Variants in SEMA6D observed in about 807,000 individuals in gnomAD.
The protein encoded by SEMA6D is semaphorin 6D, also known as semaphorin-6D.
SEMA6D carries 35 observed loss-of-function variants against 106.6 expected under a neutral mutation model. That is an observed-to-expected ratio of 0.33 (90% CI 0.25 to 0.44). SEMA6D has a LOEUF of 0.44. SEMA6D is among the 20% of genes least tolerant of loss of function. The pLI is 1.00. For missense variants in SEMA6D, 1,185 were observed against 1,345.9 expected (o/e 0.88, Z 1.87); for synonymous variants, 499 against 487.7 (o/e 1.02, Z -0.31).
At chr15:47,620,715 C>G (rs78149360) in intron 4 of SEMA6D, among the ~76,000 whole-genome samples, 2 of 148,774 alleles carry the variant, frequency 1.3e-5, no homozygotes, top group East Asian at 3.9e-4. Context: ...TATATACACA[C>G]ATATATATAT....
intron 4 of SEMA6D, among the ~76,000 whole-genome samples, chr15:47,676,206 C>T (rs2078242571): frequency 6.6e-6 from 1 of 152,186 alleles, no homozygotes; most frequent in South Asian, 2.1e-4. Flanking sequence ...GTAACCACTT[C>T]CCCCCTTTAA....
chr15:47,586,091 A>G (rs2076334440), intron 3 of SEMA6D, among the ~76,000 whole-genome samples: 1 of 152,244 alleles, frequency 6.6e-6, no homozygotes, highest in African/African-American at 2.4e-5. Flanking sequence ...AAAATGAGCA[A>G]GTCTTTCTAC....
intron 3 of SEMA6D, among the ~76,000 whole-genome samples, chr15:47,510,642 G>A (rs1045948040): frequency 2.6e-5 from 4 of 152,146 alleles, no homozygotes; most frequent in Admixed American, 1.3e-4. Flanking sequence ...AACATAAGAC[G>A]GCCAGAATGC....
intron 3 of SEMA6D, among the ~76,000 whole-genome samples, chr15:47,479,098 C>T (rs956096480): frequency 2.0e-5 from 3 of 152,166 alleles, no homozygotes; most frequent in African/African-American, 7.2e-5. Context: ...CACAGCCAAA[C>T]CATATCAGCC....
intron 3 of SEMA6D, among the ~76,000 whole-genome samples, chr15:47,482,537 G>A (rs540577939): frequency 3.9e-4 from 60 of 152,136 alleles, no homozygotes; most frequent in Non-Finnish European, 7.1e-4. Flanking sequence ...TACAACAAGG[G>A]CCATTATGTA....
chr15:47,348,727 C>CACAGAGAGAGAG lies in SEMA6D; in HGVS notation c.-238-63665_-238-63664insCAGAGAGAGAGA, dbSNP rs1450109233. On this transcript the variant is annotated intron_variant, in intron 1 of 19. Transcript: ENST00000558014. The stretch of plus-strand genomic sequence containing the variant: ...CACACACACACACACACCACACACA[C>CACAGAGAGAGAG]AGAGAGAGAGAGAGAGAGAGAGAGA... Among the ~76,000 whole-genome samples the CACAGAGAGAGAG allele has an allele frequency of 8.6e-4, 49 of 57,118 alleles. No individual in the cohort carries two copies. The East Asian group carries it at 9.2e-3, about 11-fold the overall frequency. The allele number at this position is 57,118 out of a possible 152,430, so 37.5% of individuals were successfully genotyped here.
At chr15:47,404,734 A>G (rs941984884) in intron 1 of SEMA6D, among the ~76,000 whole-genome samples, 2 of 152,192 alleles carry the variant, frequency 1.3e-5, no homozygotes, top group African/African-American at 4.8e-5. Context: ...TTTTGCTAAA[A>G]GCGTGTGGGA....
At chr15:47,686,710 G>A (rs1415396891) in intron 4 of SEMA6D, among the ~76,000 whole-genome samples, 2 of 152,120 alleles carry the variant, frequency 1.3e-5, no homozygotes, top group African/African-American at 4.8e-5. Context: ...CAACATGTGT[G>A]TCAAATTCCT....
intron 2 of SEMA6D, among the ~76,000 whole-genome samples, chr15:47,467,411 G>C (rs1327341815): frequency 6.6e-6 from 1 of 152,162 alleles, no homozygotes; most frequent in African/African-American, 2.4e-5. Context: ...TAATGCTAAT[G>C]CTTGCTAGAA....
chr15:47,306,321 G>A (rs2036231981), intron 1 of SEMA6D, among the ~76,000 whole-genome samples: 1 of 151,902 alleles, frequency 6.6e-6, no homozygotes, highest in Non-Finnish European at 1.5e-5. Flanking sequence ...TGGTATTAAG[G>A]GGCTTTGCAA....
chr15:47,721,470 T>C (rs1326985662), intron 1 of SEMA6D, among the ~76,000 whole-genome samples: 1 of 152,166 alleles, frequency 6.6e-6, no homozygotes, highest in Non-Finnish European at 1.5e-5. Flanking sequence ...GCTGCCAACT[T>C]CCAATTGGGG....
intron 1 of SEMA6D, among the ~76,000 whole-genome samples, chr15:47,390,863 G>A (rs942394966): frequency 1.3e-5 from 2 of 151,788 alleles, no homozygotes; most frequent in East Asian, 1.9e-4. Flanking sequence ...TTTTCATATC[G>A]TTTGCAATTT....
rs1227528766 is a variant in SEMA6D, at chr15:47,264,552, C to A, written c.-239+80134C>A. 2.0e-5 allele frequency among the ~76,000 whole-genome samples: 3 copies of A among 152,016 alleles called. 1 individual carries two copies. Among genetic ancestry groups the A allele is most frequent in the African/African-American group, 7.2e-5 (3 of 41,404 alleles). ...TTCTCTCTCTTTATATCCTCTTCAA[C>A]AATTGTCATTGTATATATGTGTATG... is the stretch of plus-strand genomic sequence containing the variant. On this transcript the variant is annotated intron_variant, in intron 1 of 19. Coordinates refer to the SEMA6D transcript ENST00000558014.
chr15:47,321,489 A>G (rs2036920779), intron 1 of SEMA6D, among the ~76,000 whole-genome samples: 1 of 152,024 alleles, frequency 6.6e-6, no homozygotes, highest in Non-Finnish European at 1.5e-5. Flanking sequence ...GTCTGTTATA[A>G]TTTTTTTAAT....
At chr15:47,680,090 G>T (rs1038331219) in intron 4 of SEMA6D, among the ~76,000 whole-genome samples, 7 of 152,260 alleles carry the variant, frequency 4.6e-5, no homozygotes, top group Middle Eastern at 3.4e-3. Context: ...AATCTGATTA[G>T]AGTGTAAATA....
chr15:47,244,991 C>T (rs1271659571), intron 1 of SEMA6D, among the ~76,000 whole-genome samples: 1 of 151,442 alleles, frequency 6.6e-6, no homozygotes, highest in Non-Finnish European at 1.5e-5. Flanking sequence ...GGATAATAGC[C>T]TCCAGCTCTA....
At chr15:47,246,697 T>C (rs2033225278) in intron 1 of SEMA6D, among the ~76,000 whole-genome samples, 1 of 152,234 alleles carries the variant, frequency 6.6e-6, no homozygotes, top group Admixed American at 6.5e-5. Flanking sequence ...TAAGATTGCA[T>C]GTAAGTACCT....
intron 1 of SEMA6D, among the ~76,000 whole-genome samples, chr15:47,303,714 A>G (rs1037703493): frequency 6.6e-6 from 1 of 152,182 alleles, no homozygotes; most frequent in African/African-American, 2.4e-5. Flanking sequence ...TTAGACTTGG[A>G]GGGAGTGTTG....
chr15:47,325,903 C>T (rs1323609732), intron 1 of SEMA6D, among the ~76,000 whole-genome samples: 5 of 152,068 alleles, frequency 3.3e-5, no homozygotes, highest in Non-Finnish European at 5.9e-5. Context: ...CAAGCGGTTG[C>T]CCAGGTACCA....
Sources: allele counts gnomAD v4.1 joint callset (sites outside exome capture counted in the v4.1 genomes callset), GRCh38; gene constraint gnomAD v4.1.1; transcripts MANE v1.5; gene names NCBI Gene and HGNC (gene_info 2026-07-23, HGNC 2026-07-21).